The following PI4KA variants were observed in gnomAD, a reference collection of about 807,000 sequenced individuals.
PI4KA encodes phosphatidylinositol 4-kinase alpha.
A neutral mutation model predicts 271.4 loss-of-function variants in PI4KA; 122 were observed. The observed-to-expected ratio is 0.45, with a 90% confidence interval of 0.39 to 0.52. The LOEUF (loss-of-function observed/expected upper bound fraction) is 0.52. PI4KA is among the 20% of genes least tolerant of loss of function. The pLI is 0.00. For missense variants in PI4KA, 1,969 were observed against 2,769.1 expected (o/e 0.71, Z 6.48); for synonymous variants, 1,041 against 1,078.8 (o/e 0.96, Z 0.69).
At chr22:20,776,838 T>C (rs1373332085) in intron 19 of PI4KA, among the ~76,000 whole-genome samples, 1 of 152,086 alleles carries the variant, frequency 6.6e-6, no homozygotes. Context: ...TTATCAACAT[T>C]AACCACACTG....
chr22:20,749,946 C>A lies in PI4KA; in HGVS notation c.3202G>T (p.Ala1068Ser). Reference sequence around the variant, plus strand: ...GTGACGGTAGGTGCCCACTTCATGGCCTCCTGGAGGATCATCCCACAGCGT... The same window carrying A: ...GTGACGGTAGGTGCCCACTTCATGGACTCCTGGAGGATCATCCCACAGCGT... ...AARCGMILQE[A>S]MKWAPTVTKS... Residue 1068 changes from alanine to serine, a missense_variant, in exon 28 of 55, where the codon GCC becomes TCC. Transcript: ENST00000255882. The A allele has an allele frequency of 6.2e-7, 1 of 1,613,552 alleles. No homozygotes were observed.
At chr22:20,799,000 G>T (rs2147587370) in intron 16 of PI4KA, 93 bp downstream of exon 16, 1 of 1,020,936 alleles carries the variant, frequency 9.8e-7, no homozygotes, top group Non-Finnish European at 1.4e-6. Flanking sequence ...CATCTGCAAG[G>T]TATATTTAAT....
At chr22:20,766,904 C>A (rs1367344808) in intron 19 of PI4KA, among the ~76,000 whole-genome samples, 1 of 152,130 alleles carries the variant, frequency 6.6e-6, no homozygotes, top group East Asian at 1.9e-4. Context: ...TGGGCTGTGA[C>A]ACATCATGCA....
rs1207303139 is a variant in PI4KA at position 20,819,837 on chromosome 22, C to T, written c.593G>A (p.Ser198Asn). 21 of 1,613,718 alleles carry T rather than the reference C, an allele frequency of 1.3e-5. No homozygotes were observed. The highest frequency in any genetic ancestry group is 1.8e-5 in the Non-Finnish European group (21 of 1,179,720). Residue 198 changes from serine (S) to asparagine (N), a missense_variant, in exon 6 of 55, where the codon AGC (serine) becomes AAC (asparagine). Around this residue, in one of 13 missense-constraint regions of PI4KA, gnomAD observed 540 missense variants for 555.5 expected, o/e 0.97. Coordinates refer to ENST00000255882, the MANE Select transcript of PI4KA (RefSeq NM_058004.4). ...TGAGAGGAGAGACTCTTCCATGTTG[C>T]TGTAACGCCCAAATGCTCGCGAGAT... is the stretch of plus-strand genomic sequence containing the variant. ...IGISRAFGRY[S>N]NMEESLLSKL...
At chr22:20,811,152 C>T (rs1920978963) in intron 8 of PI4KA, 120 bp from the exon 9 acceptor site, 1 of 750,672 alleles carries the variant, frequency 1.3e-6, no homozygotes, top group Non-Finnish European at 2.4e-6. Context: ...AGATAAAGGC[C>T]AATAAATACA....
chr22:20,745,743 C>T (rs758452273), intron 29 of PI4KA, among the ~76,000 whole-genome samples: 2 of 152,114 alleles, frequency 1.3e-5, no homozygotes, highest in Non-Finnish European at 2.9e-5. Flanking sequence ...TGTCTCTGAG[C>T]CTCAATGTGC....
chr22:20,714,841 A>T, intron 45 of PI4KA, 141 bp from the exon 46 acceptor site: 1 of 955,738 alleles, frequency 1.0e-6, no homozygotes, highest in Non-Finnish European at 1.5e-6. Flanking sequence ...GTCCTTGTCC[A>T]GGGCACCACT....
intron 14 of PI4KA, 122 bp from the exon 15 acceptor site, chr22:20,799,888 C>G (rs1935200534): frequency 1.6e-6 from 1 of 615,426 alleles, no homozygotes; most frequent in South Asian, 2.1e-5. Context: ...TTCTTCCCCC[C>G]AAATTGGAGG....
rs575047221 is a variant in PI4KA at position 20,811,420 on chromosome 22, C to T, written c.1006-388G>A. ...CCCTCCCAGACATCAAGGACACCCT[C>T]ACAGCCAGTCCTTGGAGCTCATGGC... On this transcript the variant is annotated intron_variant, in intron 8 of 54. Coordinates refer to ENST00000255882, the MANE Select transcript of PI4KA (RefSeq NM_058004.4). Among the ~76,000 whole-genome samples the T allele has an allele frequency of 1.1e-3, 169 of 152,292 alleles. 1 individual carries two copies. Among genetic ancestry groups the T allele is most frequent in the South Asian group, 5.6e-3 (27 of 4,826 alleles).
Position 20,727,838 on chromosome 22 carries a change from T to C in PI4KA, c.4709A>G (p.Asn1570Ser). The change falls in exon 40 of 55, where the codon AAC (asparagine) becomes AGC (serine). Residue 1570 changes from asparagine to serine, a missense_variant. By Grantham distance (46) the Asn-to-Ser change is conservative. Around this residue, in one of 13 missense-constraint regions of PI4KA, gnomAD observed 388 missense variants for 521.5 expected, o/e 0.74. Coordinates refer to ENST00000255882, the MANE Select transcript of PI4KA (RefSeq NM_058004.4). ...ARFKNTEAIGNEVTRLVRLDP... is the reference protein window; with the variant it reads ...ARFKNTEAIGSEVTRLVRLDP... Reference sequence around the variant, plus strand: ...CAACCGAACGAGACGGGTCACTTCGTTCCCAATGGCTTCTGTGTTCTTAAA... The same window carrying C: ...CAACCGAACGAGACGGGTCACTTCGCTCCCAATGGCTTCTGTGTTCTTAAA... 1.9e-6 allele frequency: 3 copies of C among 1,614,048 alleles called. No homozygotes were observed. Among genetic ancestry groups the C allele is most frequent in the South Asian group, 1.1e-5 (1 of 91,068 alleles).
chr22:20,731,521 C>G (rs1489871993), intron 36 of PI4KA, among the ~76,000 whole-genome samples: 17 of 151,126 alleles, frequency 1.1e-4, no homozygotes, highest in Non-Finnish European at 2.2e-4. Context: ...CTCAGCCAGG[C>G]AATGTGGCCC....
chr22:20,837,173 G>T (rs1453513144), intron 2 of PI4KA, among the ~76,000 whole-genome samples: 1 of 152,196 alleles, frequency 6.6e-6, no homozygotes, highest in South Asian at 2.1e-4. Flanking sequence ...AGGATCACTT[G>T]AGACCAGGGT....
rs183428744 is a variant in PI4KA at position 20,830,753 on chromosome 22, G to A, written c.367+3809C>T. ...TAGTGTCACTAGTCTAGGTACTTAG[G>A]TGTGTTTTGTTATTGTTGTTGTTTG... On this transcript the variant is annotated intron_variant, in intron 3 of 54. Coordinates refer to ENST00000255882, the MANE Select transcript of PI4KA (RefSeq NM_058004.4). Among the ~76,000 whole-genome samples the A allele has an allele frequency of 2.2e-3, 330 of 152,120 alleles. 1 individual carries two copies. Among genetic ancestry groups the A allele is most frequent in the African/African-American group, 7.9e-3 (328 of 41,510 alleles).
chr22:20,782,639 G>A (rs1483695859), intron 19 of PI4KA, among the ~76,000 whole-genome samples: 1 of 152,194 alleles, frequency 6.6e-6, no homozygotes, highest in Non-Finnish European at 1.5e-5. Flanking sequence ...AAAGGGCCGT[G>A]ATTCCCAAAA....
At position 20,726,493 on chromosome 22, in the gene PI4KA, C is replaced by T. The variant is rs888913273; in HGVS notation, c.4990G>A (p.Asp1664Asn). Residue 1664 changes from aspartate (D) to asparagine (N), a missense_variant, in exon 42 of 55, where the codon GAC becomes AAC. This residue lies in a region of PI4KA where 388 missense variants were observed against 521.5 expected (regional missense o/e 0.74). Transcript: ENST00000255882. ...IPQIVQALRY[D>N]KMGYVREYIL... Reference sequence around the variant, plus strand: ...CCATGCAGGTGCAGGCTTACCTTGTCGTACCTGAGGGCCTGCACAATCTGG... The same window carrying T: ...CCATGCAGGTGCAGGCTTACCTTGTTGTACCTGAGGGCCTGCACAATCTGG... The T allele has an allele frequency of 1.3e-6, 2 of 1,565,808 alleles. No homozygotes were observed. The highest frequency in any genetic ancestry group is 2.4e-5 in the East Asian group (1 of 41,068).
intron 14 of PI4KA, among the ~76,000 whole-genome samples, chr22:20,800,109 C>T (rs1935211931): frequency 6.6e-6 from 1 of 152,116 alleles, no homozygotes; most frequent in Non-Finnish European, 1.5e-5. Flanking sequence ...GCATAGTAAA[C>T]ATCACAATTA....
intron 1 of PI4KA, among the ~76,000 whole-genome samples, chr22:20,841,526 T>A (rs894261329): frequency 5.9e-5 from 9 of 152,132 alleles, no homozygotes; most frequent in Admixed American, 2.6e-4. Flanking sequence ...AAGCCAGGCA[T>A]AGCTTTAAAT....
At chr22:20,785,570 A>G (rs1740527558) in intron 19 of PI4KA, among the ~76,000 whole-genome samples, 1 of 152,222 alleles carries the variant, frequency 6.6e-6, no homozygotes. Context: ...GCAAAGATTG[A>G]GAATATTCAG....
intron 7 of PI4KA, among the ~76,000 whole-genome samples, chr22:20,817,405 T>A (rs1921950858): frequency 6.6e-6 from 1 of 151,952 alleles, no homozygotes; most frequent in African/African-American, 2.4e-5. Context: ...TTCAGTAAAT[T>A]ATGTAAAAGT....
Sources: gnomAD v4.1 joint callset for allele counts (sites outside exome capture counted in the v4.1 genomes callset) on GRCh38, gnomAD v4.1.1 for gene constraint, gnomAD v4.1.1 regional missense constraint, MANE v1.5 for transcripts, NCBI Gene and HGNC (gene_info 2026-07-23, HGNC 2026-07-21) for gene names.